The following TMEM132B variants were observed in gnomAD, a reference collection of about 807,000 sequenced individuals.
TMEM132B encodes transmembrane protein 132B.
Under a neutral mutation model 90.8 loss-of-function variants are expected in TMEM132B, and 18 were observed. That is an observed-to-expected ratio of 0.20 (90% CI 0.14 to 0.29). The LOEUF (loss-of-function observed/expected upper bound fraction) is 0.29, where lower values mean the gene tolerates loss of function less well. TMEM132B is among the 10% of genes least tolerant of loss of function. The pLI is 1.00. For synonymous variants in TMEM132B, 504 were observed against 523.3 expected (o/e 0.96, Z 0.50); for missense variants, 1,096 against 1,326.8 (o/e 0.83, Z 2.70).
At chr12:125,486,361 G>T (rs1305456603) in intron 3 of TMEM132B, among the ~76,000 whole-genome samples, 1 of 152,184 alleles carries the variant, frequency 6.6e-6, no homozygotes, top group East Asian at 1.9e-4. Flanking sequence ...TATGAGTAAG[G>T]TCTATGGTGT....
intron 4 of TMEM132B, among the ~76,000 whole-genome samples, chr12:125,569,289 T>C (rs1884735045): frequency 6.6e-6 from 1 of 152,136 alleles, no homozygotes; most frequent in Non-Finnish European, 1.5e-5. Flanking sequence ...GTATGCTGGA[T>C]ATTATCGCCC....
chr12:125,545,100 A>G (rs1352422656), intron 4 of TMEM132B, among the ~76,000 whole-genome samples: 1 of 152,194 alleles, frequency 6.6e-6, no homozygotes, highest in African/African-American at 2.4e-5. Flanking sequence ...AACCATAATC[A>G]CAAGGGGAGG....
intron 5 of TMEM132B, 158 bp downstream of exon 5, chr12:125,584,152 T>C (rs935868655): frequency 4.4e-5 from 45 of 1,022,624 alleles, no homozygotes; most frequent in Non-Finnish European, 6.3e-5. Flanking sequence ...CCGCAGAGAC[T>C]CCCTGGAATC....
intron 4 of TMEM132B, among the ~76,000 whole-genome samples, chr12:125,571,209 A>T (rs1167200843): frequency 1.3e-5 from 2 of 152,170 alleles, no homozygotes; most frequent in African/African-American, 4.8e-5. Context: ...TTTTGCTCCC[A>T]TCCTGGCTCT....
chr12:125,506,616 G>A (rs1403084139), intron 3 of TMEM132B, among the ~76,000 whole-genome samples: 2 of 152,038 alleles, frequency 1.3e-5, no homozygotes, highest in Admixed American at 6.5e-5. Context: ...ACTCTCTTAA[G>A]TGGGACATAA....
chr12:125,639,867 G>T (rs988942173), intron 5 of TMEM132B, among the ~76,000 whole-genome samples: 1 of 152,210 alleles, frequency 6.6e-6, no homozygotes, highest in Non-Finnish European at 1.5e-5. Context: ...CCTTTTGGTG[G>T]CAAGTAACAA....
At chr12:125,609,785 C>A (rs1370267880) in intron 5 of TMEM132B, among the ~76,000 whole-genome samples, 3 of 133,154 alleles carry the variant, frequency 2.3e-5, no homozygotes, top group African/African-American at 5.9e-5. Context: ...CCACTGCACT[C>A]CAGCCTGGGC....
At position 125,360,275 on chromosome 12, in the gene TMEM132B, C is replaced by T. The variant is rs564263240; in HGVS notation, c.959+9932C>T. On this transcript the variant is annotated intron_variant, in intron 2 of 8. Coordinates refer to ENST00000682704, the MANE Select transcript of TMEM132B (RefSeq NM_001366854.1). ...ACCCGATTTACTCTTACACCCCAAA[C>T]CTTGATGTAATTTTACACACATTGA... Among the ~76,000 whole-genome samples the T allele has an allele frequency of 1.8e-4, 27 of 152,258 alleles. No individual in the cohort carries two copies. The South Asian group carries it at 4.8e-3, about 27-fold the overall frequency.
chr12:125,332,729 C>G (rs1876823311), intron 1 of TMEM132B, among the ~76,000 whole-genome samples: 2 of 151,370 alleles, frequency 1.3e-5, no homozygotes, highest in Non-Finnish European at 2.9e-5. Context: ...TTTAAACACG[C>G]TAAAAACTCG....
At chr12:125,328,618 C>T (rs1876663816) in intron 1 of TMEM132B, among the ~76,000 whole-genome samples, 1 of 152,174 alleles carries the variant, frequency 6.6e-6, no homozygotes, top group Admixed American at 6.5e-5. Context: ...ACATGACCTT[C>T]CCTGTCTCTG....
At chr12:125,518,323 A>G (rs2526737) in intron 3 of TMEM132B, among the ~76,000 whole-genome samples, 49,183 of 152,078 alleles carry the variant, frequency 0.32, 12,059 homozygotes, top group East Asian at 0.74. Context: ...TCAAAACTCC[A>G]CACAGGTTGT....
At chr12:125,393,259 A>C (rs1270685789) in intron 2 of TMEM132B, among the ~76,000 whole-genome samples, 1 of 152,246 alleles carries the variant, frequency 6.6e-6, no homozygotes, top group Non-Finnish European at 1.5e-5. Flanking sequence ...TTGAGTGGGT[A>C]CAAAGCATTG....
At chr12:125,489,059 T>C (rs1309283074) in intron 3 of TMEM132B, among the ~76,000 whole-genome samples, 2 of 152,272 alleles carry the variant, frequency 1.3e-5, no homozygotes, top group Non-Finnish European at 2.9e-5. Flanking sequence ...ATACTGGTCC[T>C]GAGAGGCTTT....
intron 4 of TMEM132B, among the ~76,000 whole-genome samples, chr12:125,560,309 A>G (rs1046183730): frequency 5.9e-5 from 9 of 152,148 alleles, no homozygotes; most frequent in African/African-American, 2.2e-4. Flanking sequence ...CCCAAGAGAG[A>G]GCAGATCTGG....
chr12:125,346,544 G>A (rs1207915646), intron 1 of TMEM132B, among the ~76,000 whole-genome samples: 1 of 152,158 alleles, frequency 6.6e-6, no homozygotes, highest in African/African-American at 2.4e-5. Flanking sequence ...TTCACTTCCT[G>A]GTTTGGAGAG....
chr12:125,344,928 G>A (rs537216687), intron 1 of TMEM132B, among the ~76,000 whole-genome samples: 19 of 152,248 alleles, frequency 1.2e-4, no homozygotes, highest in East Asian at 3.9e-4. Flanking sequence ...TTCCGCCGCC[G>A]CCAGAGATGA....
intron 3 of TMEM132B, among the ~76,000 whole-genome samples, chr12:125,443,837 C>T (rs965208876): frequency 6.6e-5 from 10 of 151,982 alleles, no homozygotes; most frequent in Middle Eastern, 3.4e-3. Context: ...CTTTATTCTA[C>T]TTGTTTTCTC....
chr12:125,270,052 TC>T (rs1050270885), intron 1 of TMEM132B, among the ~76,000 whole-genome samples: 33 of 148,394 alleles, frequency 2.2e-4, no homozygotes, highest in African/African-American at 4.9e-5. Flanking sequence ...ACGCTACACT[TC>T]CCAGGTTCCT....
At chr12:125,586,890 G>C (rs547458026) in intron 5 of TMEM132B, 1 of 152,184 alleles carries the variant, frequency 6.6e-6, no homozygotes, top group Non-Finnish European at 1.5e-5. Flanking sequence ...GAGTTACTAA[G>C]ATCTACAGTC....
Sources: allele counts gnomAD v4.1 joint callset (sites outside exome capture counted in the v4.1 genomes callset), GRCh38; gene constraint gnomAD v4.1.1; transcripts MANE v1.5; gene names NCBI Gene and HGNC (gene_info 2026-07-23, HGNC 2026-07-21).